The following CAPN2 variants were observed in gnomAD, a reference collection of about 807,000 sequenced individuals.
The protein encoded by CAPN2 is calpain 2.
In CAPN2, 92 loss-of-function variants were observed where a neutral mutation model predicts 102.3. The ratio of observed to expected loss-of-function variants is 0.90; its 90% CI spans 0.76 to 1.07. CAPN2 has a LOEUF of 1.07. CAPN2 is among the 50% of genes least tolerant of loss of function. The pLI is 0.00. For synonymous variants in CAPN2, 340 were observed against 355.4 expected (o/e 0.96, Z 0.49); for missense variants, 800 against 909.4 (o/e 0.88, Z 1.55).
At chr1:223,722,373 G>A (rs1220809550) in intron 2 of CAPN2, among the ~76,000 whole-genome samples, 5 of 128,972 alleles carry the variant, frequency 3.9e-5, no homozygotes, top group African/African-American at 5.9e-5. Context: ...CTGCAGCCTC[G>A]ACCTCCTGGG....
chr1:223,709,194 G>T (rs1659677525), upstream of CAPN2, among the ~76,000 whole-genome samples: 1 of 152,124 alleles, frequency 6.6e-6, no homozygotes, highest in Non-Finnish European at 1.5e-5. Context: ...AGCATTCAGG[G>T]ATCTGTAGGA....
intron 5 of CAPN2, among the ~76,000 whole-genome samples, chr1:223,748,681 C>T (rs1660811126): frequency 6.7e-6 from 1 of 148,854 alleles, no homozygotes; most frequent in South Asian, 2.1e-4. Context: ...CGGCCGTGCG[C>T]CCTTTCCCTG....
At chr1:223,713,349 C>T (rs1659792384) in intron 1 of CAPN2, among the ~76,000 whole-genome samples, 1 of 152,110 alleles carries the variant, frequency 6.6e-6, no homozygotes, top group Admixed American at 6.5e-5. Context: ...ATAGCCTGGT[C>T]ATTTTGTGAC....
chr1:223,745,316 A>T lies in CAPN2; in HGVS notation c.437A>T (p.Tyr146Phe). ...AGIFHFQFWQYGEWVEVVVDD... is the reference protein window; with the variant it reads ...AGIFHFQFWQFGEWVEVVVDD... ...TCTCTTGTTCTGCAGTTCTGGCAATACGGCGAGTGGGTGGAGGTGGTGGTG... is the reference window on the plus strand; with the variant it reads ...TCTCTTGTTCTGCAGTTCTGGCAATTCGGCGAGTGGGTGGAGGTGGTGGTG... The change falls in exon 4 of 21, where the codon TAC becomes TTC. Residue 146 changes from tyrosine (Y) to phenylalanine (F), a missense_variant. Physicochemically the swap from Tyr to Phe is conservative, Grantham distance 22 (BLOSUM62 3). Transcript: ENST00000295006. 1 of 1,614,170 alleles carries T rather than the reference A, an allele frequency of 6.2e-7. No individual in the cohort carries two copies. The highest frequency in any genetic ancestry group is 8.5e-7 in the Non-Finnish European group (1 of 1,180,028).
chr1:223,719,589 T>G (rs1206957854), intron 2 of CAPN2, among the ~76,000 whole-genome samples: 2 of 152,106 alleles, frequency 1.3e-5, no homozygotes, highest in Admixed American at 1.3e-4. Context: ...GCCTAACATC[T>G]GCTTCAGAGT....
At chr1:223,708,494 C>T (rs1302982817), upstream of CAPN2, among the ~76,000 whole-genome samples, 3 of 151,654 alleles carry the variant, frequency 2.0e-5, no homozygotes, top group East Asian at 5.8e-4. Flanking sequence ...GCAGGCCAGG[C>T]GCAGTGGCTC....
rs570872022 is a variant in CAPN2, at chr1:223,741,801, G to C, written c.308-2299G>C. 2.2e-3 allele frequency among the ~76,000 whole-genome samples: 329 copies of C among 150,458 alleles called. 1 individual carries two copies. Among genetic ancestry groups the C allele is most frequent in the African/African-American group, 7.7e-3 (317 of 40,938 alleles). On this transcript the variant is annotated intron_variant, in intron 2 of 20. Coordinates refer to ENST00000295006, the MANE Select transcript of CAPN2 (RefSeq NM_001748.5). ...TTTTCTTTTCTTTTTGGGGGGCACA[G>C]AGTCTCACTCTGTTGCCCAGGCTGG...
At position 223,744,187 on chromosome 1, in the gene CAPN2, A is replaced by G. The variant is rs1571801411; in HGVS notation, c.395A>G (p.Gln132Arg). The change falls in exon 3 of 21, where the codon CAG becomes CGG. Residue 132 changes from glutamine to arginine, a missense_variant. Coordinates refer to ENST00000295006, the MANE Select transcript of CAPN2 (RefSeq NM_001748.5). ...GTCGTCCCCCTAAACCAGAGCTTCCAGGAAAACTATGCAGGGATCTTTCAC... is the reference window on the plus strand; with the variant it reads ...GTCGTCCCCCTAAACCAGAGCTTCCGGGAAAACTATGCAGGGATCTTTCAC... ...ARVVPLNQSFQENYAGIFHFQ... is the reference protein window; with the variant it reads ...ARVVPLNQSFRENYAGIFHFQ... The G allele has an allele frequency of 1.2e-6, 2 of 1,613,868 alleles. No individual in the cohort carries two copies. The highest frequency in any genetic ancestry group is 1.7e-6 in the Non-Finnish European group (2 of 1,179,738).
At chr1:223,745,055 A>C (rs1660718472) in intron 3 of CAPN2, among the ~76,000 whole-genome samples, 1 of 151,088 alleles carries the variant, frequency 6.6e-6, no homozygotes, top group African/African-American at 2.5e-5. Flanking sequence ...AAAAAAAAAA[A>C]ACAGCCTAAG....
upstream of CAPN2, among the ~76,000 whole-genome samples, chr1:223,709,433 G>A (rs1449368062): frequency 6.6e-6 from 1 of 152,142 alleles, no homozygotes; most frequent in Non-Finnish European, 1.5e-5. Context: ...GGCAGAGGTG[G>A]GCAGATCACC....
chr1:223,757,582 T>G (rs1464134916), intron 11 of CAPN2: 2 of 587,612 alleles, frequency 3.4e-6, no homozygotes, highest in South Asian at 2.3e-5. Flanking sequence ...TTCTGGAAAG[T>G]CCTTGTGGGA....
Position 223,755,649 on chromosome 1 carries a change from G to A in CAPN2, c.1305G>A (p.Glu435=). 6.3e-7 allele frequency: 1 copy of A among 1,583,522 alleles called. No homozygotes were observed. Among genetic ancestry groups the A allele is most frequent in the Non-Finnish European group, 8.6e-7 (1 of 1,165,608 alleles). Residue 435 remains glutamate, a splice_region_variant and synonymous_variant, in exon 10 of 21, where the codon GAG becomes GAA. Coordinates refer to ENST00000295006, the MANE Select transcript of CAPN2 (RefSeq NM_001748.5). The surrounding 1 kb of genome is among the most constrained non-coding windows in gnomAD (Gnocchi z 4.1). ...ACACCATCGGCTTTGGCATCTATGA[G>A]GTGCAGAGCGCAGGGGCTCCTGCCC... The part of the protein sequence containing the change: ...DMHTIGFGIY[E]VPEELSGQTN...
chr1:223,715,723 T>C (rs1157961238), intron 1 of CAPN2, among the ~76,000 whole-genome samples: 1 of 152,180 alleles, frequency 6.6e-6, no homozygotes, highest in South Asian at 2.1e-4. Flanking sequence ...CAAGGGCAGA[T>C]GTTGTGAGCC....
Position 223,744,218 on chromosome 1 carries a change from G to A in CAPN2, c.426G>A (p.Gln142=). 2 of 1,600,006 alleles carry A rather than the reference G, an allele frequency of 1.3e-6. No individual in the cohort carries two copies. Among genetic ancestry groups the A allele is most frequent in the Non-Finnish European group, 1.7e-6 (2 of 1,167,048 alleles). Residue 142 remains glutamine, a splice_region_variant and synonymous_variant, in exon 3 of 21, where the codon CAG becomes CAA. Transcript: ENST00000295006. The part of the protein sequence containing the change: ...QENYAGIFHF[Q]FWQYGEWVEV... The stretch of plus-strand genomic sequence containing the variant: ...ACTATGCAGGGATCTTTCACTTCCA[G>A]GTAACTTAATGGTTGGCTCAGGTGG...
intron 5 of CAPN2, among the ~76,000 whole-genome samples, chr1:223,747,790 G>C (rs1660784176): frequency 6.6e-6 from 1 of 152,170 alleles, no homozygotes; most frequent in Non-Finnish European, 1.5e-5. Flanking sequence ...AGAAGGAAAG[G>C]GGAGGTCAGA....
At chr1:223,732,115 G>A (rs767333465) in intron 2 of CAPN2, among the ~76,000 whole-genome samples, 36 of 152,074 alleles carry the variant, frequency 2.4e-4, no homozygotes, top group South Asian at 1.0e-3. Context: ...GTGGGGTCAC[G>A]GTGTGGGGGT....
At chr1:223,771,513 G>A in intron 18 of CAPN2, 1 of 310,514 alleles carries the variant, frequency 3.2e-6, no homozygotes, top group South Asian at 6.0e-5. Context: ...AAATCAAACA[G>A]CAGCAGCATG....
rs202060253 is a variant in CAPN2 at position 223,757,849 on chromosome 1, T to G, written c.1317+469T>G. 4.4e-3 allele frequency: 705 copies of G among 160,306 alleles called. 31 individuals are homozygous for G. In the East Asian group the frequency reaches 0.1, roughly 23 times the overall value. 9.9% of individuals were successfully genotyped at this position (160,306 alleles called of 1,614,324 possible). ...CTCTCTGCATTTCAGGGTTTTGTTTTTTTTTTTTTTGATTTTTGGTTTGTT... is the reference window on the plus strand; with the variant it reads ...CTCTCTGCATTTCAGGGTTTTGTTTGTTTTTTTTTTGATTTTTGGTTTGTT... On this transcript the variant is annotated intron_variant, in intron 11 of 20. Transcript: ENST00000295006.
chr1:223,772,168 T>TCTC lies in CAPN2; in HGVS notation c.2021-11_2021-9dup, dbSNP rs1661495066. On this transcript the variant is annotated splice_polypyrimidine_tract_variant and intron_variant, in intron 19 of 20. Coordinates refer to ENST00000295006, the MANE Select transcript of CAPN2 (RefSeq NM_001748.5). Reference sequence around the variant, plus strand: ...TCACTCACTTGTGACACCCTCTTTTTCTCCCTCCACAGAGATATTTAAGCA... The same window carrying TCTC: ...TCACTCACTTGTGACACCCTCTTTTTCTCCTCCCTCCACAGAGATATTTAAGCA... 6.2e-7 allele frequency: 1 copy of TCTC among 1,613,532 alleles called. No homozygotes were observed. The highest frequency in any genetic ancestry group is 1.3e-5 in the African/African-American group (1 of 74,900).
Sources: allele counts gnomAD v4.1 joint callset (sites outside exome capture counted in the v4.1 genomes callset), GRCh38; gene constraint gnomAD v4.1.1; non-coding constraint Gnocchi (gnomAD v3.1); transcripts MANE v1.5; gene names NCBI Gene and HGNC (gene_info 2026-07-23, HGNC 2026-07-21).